PRKDC: variants seen among roughly 807,000 people sequenced by gnomAD.
PRKDC encodes protein kinase, DNA-activated, catalytic subunit.
PRKDC carries 82 observed loss-of-function variants against 486.9 expected under a neutral mutation model. That is an observed-to-expected ratio of 0.17 (90% CI 0.14 to 0.20). The LOEUF (loss-of-function observed/expected upper bound fraction) is 0.20. Among genes scored for constraint, PRKDC ranks in the 10% least tolerant of loss-of-function variants. PRKDC has a pLI of 1.00. For synonymous variants in PRKDC, 1,895 were observed against 1,837.0 expected (o/e 1.03, Z -0.81); for missense variants, 4,504 against 5,038.2 (o/e 0.89, Z 3.21).
Position 47,794,475 on chromosome 8 carries a change from G to C in PRKDC, c.10485C>G (p.Phe3495Leu). ...CCACCATGTGGCTGATCCAGCTGAT[G>C]AACTGCCAGCAGGGAACGGAAGAGA... ...KEISSVPCWQ[F>L]ISWISHMVAL... The change falls in exon 74 of 86, where the codon TTC becomes TTG. Residue 3495 changes from phenylalanine (F) to leucine (L), a missense_variant. By Grantham distance (22) the Phe-to-Leu change is conservative. This residue lies in a region of PRKDC where 706 missense variants were observed against 945.0 expected (regional missense o/e 0.75). Coordinates refer to ENST00000314191, the MANE Select transcript of PRKDC (RefSeq NM_006904.7). 6.2e-7 allele frequency: 1 copy of C among 1,612,584 alleles called. No individual in the cohort carries two copies. Among genetic ancestry groups the C allele is most frequent in the Non-Finnish European group, 8.5e-7 (1 of 1,178,632 alleles).
intron 24 of PRKDC, among the ~76,000 whole-genome samples, chr8:47,913,002 T>C (rs114579135): frequency 3.3e-5 from 5 of 152,346 alleles, no homozygotes; most frequent in African/African-American, 1.2e-4. Flanking sequence ...CAACCCTGCA[T>C]TGAGAAATTC....
At chr8:47,826,589 C>T (rs1215419969) in intron 63 of PRKDC, 67 bp downstream of exon 63, 1 of 1,460,300 alleles carries the variant, frequency 6.8e-7, no homozygotes, top group Non-Finnish European at 9.2e-7. Flanking sequence ...CAAATGAAGC[C>T]AAGTGTTTTC....
At position 47,863,559 on chromosome 8, in the gene PRKDC, C is replaced by G; in HGVS notation, c.5590G>C (p.Asp1864His). 2 of 1,611,010 alleles carry G rather than the reference C, an allele frequency of 1.2e-6. No individual in the cohort carries two copies. Among genetic ancestry groups the G allele is most frequent in the Non-Finnish European group, 1.7e-6 (2 of 1,178,502 alleles). ...RFTKLNESTF[D>H]TQITKKMGYY... is the part of the protein sequence containing the mutation. ...CCCATCTTCTTGGTGATTTGAGTAT[C>G]AAAGGTAGATTCATTTAGCTTCAAA... The change falls in exon 42 of 86, where the codon GAT becomes CAT. Residue 1864 changes from aspartate (D) to histidine (H), a missense_variant. Around this residue, in one of 6 missense-constraint regions of PRKDC, gnomAD observed 80 missense variants for 132.3 expected, o/e 0.60. Coordinates refer to ENST00000314191, the MANE Select transcript of PRKDC (RefSeq NM_006904.7).
At chr8:47,819,032 G>A (rs1046227109) in intron 67 of PRKDC, among the ~76,000 whole-genome samples, 2 of 152,104 alleles carry the variant, frequency 1.3e-5, no homozygotes, top group Non-Finnish European at 2.9e-5. Flanking sequence ...ACAGCTTTCC[G>A]TCTGCAAGCC....
intron 1 of PRKDC, among the ~76,000 whole-genome samples, chr8:47,959,700 T>C (rs558322973): frequency 9.4e-4 from 143 of 151,982 alleles, no homozygotes; most frequent in African/African-American, 3.4e-3. Flanking sequence ...AAATTATTTC[T>C]CTTGCCCTGC....
rs143700034 is a variant in PRKDC at position 47,814,545 on chromosome 8, T to A, written c.9557+2905A>T. ...AGCAATTACATTAGCAGCAAATAAT[T>A]GGAAAATAATACAATTTTAAAAATA... is the stretch of plus-strand genomic sequence containing the variant. On this transcript the variant is annotated intron_variant, in intron 68 of 85. Transcript: ENST00000314191. Among the ~76,000 whole-genome samples the A allele has an allele frequency of 7.8e-3, 1,193 of 152,220 alleles. 13 individuals carry two copies. The highest frequency in any genetic ancestry group is 0.027 in the African/African-American group (1,111 of 41,532).
At chr8:47,951,047 A>C (rs550425661) in intron 7 of PRKDC, among the ~76,000 whole-genome samples, 2 of 152,312 alleles carry the variant, frequency 1.3e-5, no homozygotes, top group Admixed American at 1.3e-4. Flanking sequence ...CAAAGGACAT[A>C]ATCAACACAG....
intron 25 of PRKDC, among the ~76,000 whole-genome samples, chr8:47,910,513 A>C (rs1367116605): frequency 6.6e-6 from 1 of 152,142 alleles, no homozygotes; most frequent in African/African-American, 2.4e-5. Context: ...TCTCCCACTG[A>C]GCCATCTGTG....
In PRKDC at chr8:47,903,411, G is replaced by A. The variant is rs541831049; in HGVS notation, c.3043-616C>T. Reference sequence around the variant, plus strand: ...CAAAGGAAAAGTTTAACTTGAAAACGTACACTCAACAATGAATTAAGAGAG... The same window carrying A: ...CAAAGGAAAAGTTTAACTTGAAAACATACACTCAACAATGAATTAAGAGAG... On this transcript the variant is annotated intron_variant, in intron 26 of 85. Transcript: ENST00000314191. Among the ~76,000 whole-genome samples the A allele has an allele frequency of 9.2e-5, 14 of 152,274 alleles. 1 individual carries two copies. In the South Asian group the frequency reaches 2.5e-3, roughly 27 times the overall value.
At chr8:47,787,201 T>C (rs1333406039) in intron 76 of PRKDC, among the ~76,000 whole-genome samples, 1 of 152,236 alleles carries the variant, frequency 6.6e-6, no homozygotes, top group Non-Finnish European at 1.5e-5. Context: ...AAGATTTACC[T>C]GATCATCTCT....
intron 19 of PRKDC, among the ~76,000 whole-genome samples, chr8:47,928,482 CTAAT>C (rs2154503467): frequency 6.6e-6 from 1 of 152,110 alleles, no homozygotes; most frequent in African/African-American, 2.4e-5. Context: ...ATAACTTCCT[CTAAT>C]TAGTTTTTTT....
chr8:47,878,910 C>T (rs1177034896), intron 39 of PRKDC, among the ~76,000 whole-genome samples: 1 of 152,162 alleles, frequency 6.6e-6, no homozygotes, highest in Non-Finnish European at 1.5e-5. Context: ...GAGTCCTATC[C>T]CCGGGATATC....
chr8:47,863,774 G>A (rs2088734370), intron 41 of PRKDC, among the ~76,000 whole-genome samples, 197 bp from the exon 42 acceptor site: 1 of 152,182 alleles, frequency 6.6e-6, no homozygotes, highest in South Asian at 2.1e-4. Flanking sequence ...TGTTACACTG[G>A]TGAAGCAGGA....
rs921811356 is a variant in PRKDC, at chr8:47,933,049, G to C, written c.1747C>G (p.Leu583Val). The part of the protein sequence containing the change: ...LKIVEKLDLT[L>V]EIQTVGEQEN... ...TGTTCCCCAACAGTCTGTATTTCAAGTGTAAGATCCAATTTCTCAACAATC... is the reference window on the plus strand; with the variant it reads ...TGTTCCCCAACAGTCTGTATTTCAACTGTAAGATCCAATTTCTCAACAATC... The change falls in exon 16 of 86, where the codon CTT becomes GTT. Residue 583 changes from leucine to valine, a missense_variant. Leu to Val is a conservative substitution (Grantham distance 32, BLOSUM62 1). Coordinates refer to ENST00000314191, the MANE Select transcript of PRKDC (RefSeq NM_006904.7). 6 of 1,598,142 alleles carry C rather than the reference G, an allele frequency of 3.8e-6. No individual in the cohort carries two copies. Among genetic ancestry groups the C allele is most frequent in the South Asian group, 2.3e-5 (2 of 86,558 alleles).
Position 47,960,073 on chromosome 8 carries a change from G to A in PRKDC, c.54C>T (p.Thr18=), listed in dbSNP as rs759688450. ...CACCGCAGCGGTCCGCAGCGGACAA[G>A]GTCTCCTGCAGCCGCAGCAGGGAGC... is the stretch of plus-strand genomic sequence containing the variant. ...VRCSLLRLQE[T]LSAADRCGAA... The change falls in exon 1 of 86, where the codon ACC becomes ACT. Residue 18 remains threonine (T), a synonymous_variant. Transcript: ENST00000314191. 2 of 1,530,748 alleles carry A rather than the reference G, an allele frequency of 1.3e-6. No homozygotes were observed. The highest frequency in any genetic ancestry group is 2.0e-5 in the Admixed American group (1 of 50,862). 94.8% of individuals were successfully genotyped at this position (1,530,748 alleles called of 1,614,324 possible). A position where few individuals can be genotyped will look rare whatever the true frequency, so the allele number is the denominator to read the frequency against.
At chr8:47,856,319 C>T (rs1168918752) in intron 49 of PRKDC, among the ~76,000 whole-genome samples, 1 of 152,062 alleles carries the variant, frequency 6.6e-6, no homozygotes, top group Non-Finnish European at 1.5e-5. Flanking sequence ...CCTCCGCCTC[C>T]CGGGTTTAAG....
At position 47,946,077 on chromosome 8, in the gene PRKDC, C is replaced by T. The variant is rs1056711250; in HGVS notation, c.722-2048G>A. On this transcript the variant is annotated intron_variant, in intron 7 of 85. Transcript: ENST00000314191. ...AGGTGCAGTGGCTCACACCTGTAAT[C>T]CCAGCACTTTGGGAGGCCAAGGTGG... is the stretch of plus-strand genomic sequence containing the variant. Among the ~76,000 whole-genome samples, 6 of 151,588 alleles carry T rather than the reference C, an allele frequency of 4.0e-5. 1 individual carries two copies. In the South Asian group the frequency reaches 1.3e-3, roughly 32 times the overall value.
At chr8:47,953,769 A>G (rs2154504574) in intron 6 of PRKDC, 38 bp downstream of exon 6, 1 of 1,578,600 alleles carries the variant, frequency 6.3e-7, no homozygotes, top group Non-Finnish European at 8.6e-7. Context: ...AAACACAACC[A>G]CATCTATGGA....
intron 44 of PRKDC, among the ~76,000 whole-genome samples, chr8:47,861,349 A>G (rs2088673558): frequency 2.0e-5 from 3 of 152,264 alleles, no homozygotes; most frequent in Non-Finnish European, 2.9e-5. Context: ...TAGAAGTAAC[A>G]TACAGCATGT....
Sources: allele counts gnomAD v4.1 joint callset (sites outside exome capture counted in the v4.1 genomes callset), GRCh38; gene constraint gnomAD v4.1.1; regional missense constraint gnomAD v4.1.1; transcripts MANE v1.5; gene names NCBI Gene and HGNC (gene_info 2026-07-23, HGNC 2026-07-21).